The following NPRL3 variants were observed in gnomAD, a reference collection of about 807,000 sequenced individuals.
The protein encoded by NPRL3 is GATOR1 complex protein NPRL3.
A neutral mutation model predicts 57.2 loss-of-function variants in NPRL3; 23 were observed. The observed-to-expected ratio is 0.40, with a 90% CI of 0.29 to 0.57. NPRL3 has a LOEUF of 0.57. NPRL3 is among the 20% of genes least tolerant of loss of function. The pLI is 0.42. For missense variants in NPRL3, 691 were observed against 767.1 expected, an observed-to-expected ratio of 0.90 and a Z score of 1.17; for synonymous variants, 333 against 321.1, an observed-to-expected ratio of 1.04 and a Z score of -0.39.
intron 3 of NPRL3, among the ~76,000 whole-genome samples, chr16:120,875 T>C (rs1411332014): frequency 6.6e-6 from 1 of 152,170 alleles, no homozygotes; most frequent in African/African-American, 2.4e-5. Context: ...CATGGTAATG[T>C]TGAAGGAGGG....
intron 2 of NPRL3, among the ~76,000 whole-genome samples, chr16:135,638 A>C (rs1901040955): frequency 6.6e-6 from 1 of 151,474 alleles, no homozygotes; most frequent in Non-Finnish European, 1.5e-5. Context: ...AAAGACATAA[A>C]CAGTCTGGAG....
chr16:88,627 G>T, intron 13 of NPRL3, 71 bp downstream of exon 13: 5 of 1,356,574 alleles, frequency 3.7e-6, no homozygotes, highest in Non-Finnish European at 5.1e-6. Flanking sequence ...GTTCTGTTGC[G>T]TACGTCCCTA....
Position 86,630 on chromosome 16 carries a change from C to G in NPRL3, c.*75G>C, listed in dbSNP as rs114328109. 2.1e-6 allele frequency: 3 copies of G among 1,430,324 alleles called. No individual in the cohort carries two copies. The highest frequency in any genetic ancestry group is 2.8e-6 in the Non-Finnish European group (3 of 1,065,378). 88.6% of individuals were successfully genotyped at this position (1,430,324 alleles called of 1,614,324 possible). A position where few individuals can be genotyped will look rare whatever the true frequency, so the allele number is the denominator to read the frequency against. On this transcript the variant is annotated 3_prime_UTR_variant, in exon 14 of 14. Transcript: ENST00000611875. ...GGGCCAAGAGGGCTCAGCCTCAGCA[C>G]GGGGGGAGCCCTGGGGTGGGGAGAC...
At chr16:93,351 G>A in intron 9 of NPRL3, 26 bp from the exon 10 acceptor site, 1 of 1,466,604 alleles carries the variant, frequency 6.8e-7, no homozygotes. Flanking sequence ...AAGCTGCAAG[G>A]ACCATGCCTG....
In NPRL3 at chr16:85,482, G is replaced by A. The variant is rs779276542; in HGVS notation, c.*1223C>T. 4.5e-5 allele frequency: 72 copies of A among 1,613,046 alleles called. No homozygotes were observed. The highest frequency in any genetic ancestry group is 5.7e-5 in the Non-Finnish European group (67 of 1,180,034). On this transcript the variant is annotated 3_prime_UTR_variant, in exon 14 of 14. Coordinates refer to ENST00000611875, the MANE Select transcript of NPRL3 (RefSeq NM_001077350.3). ...ATGCGTCAGCTTCGCAGCACCCTCC[G>A]GAAAGGCACCGCCAGCCGTGTCCTC...
At chr16:103,752 G>T (rs1899413019) in intron 7 of NPRL3, among the ~76,000 whole-genome samples, 1 of 152,186 alleles carries the variant, frequency 6.6e-6, no homozygotes. Flanking sequence ...GCCGAGGCAG[G>T]CCGATCACTT....
rs533871530 is a variant in NPRL3, at chr16:103,296, A to ATTTTTTTTTTTTTTTTTTTTTTTTTT, written c.630-2813_630-2788dup. On this transcript the variant is annotated intron_variant, in intron 7 of 13. Transcript: ENST00000611875. Reference sequence around the variant, plus strand: ...GACGTGCAACATCACGCCTGGGGTGATTTTTTTTTTTTTTTTTTTTTTTTT... The same window carrying ATTTTTTTTTTTTTTTTTTTTTTTTTT: ...GACGTGCAACATCACGCCTGGGGTGATTTTTTTTTTTTTTTTTTTTTTTTTTTTTTTTTTTTTTTTTTTTTTTTTTT... Among the ~76,000 whole-genome samples, 19 of 42,126 alleles carry ATTTTTTTTTTTTTTTTTTTTTTTTTT rather than the reference A, an allele frequency of 4.5e-4. 5 individuals carry two copies. The highest frequency in any genetic ancestry group is 5.2e-4 in the African/African-American group (5 of 9,540). 27.6% of individuals were successfully genotyped at this position (42,126 alleles called of 152,430 possible).
Position 86,636 on chromosome 16 carries a change from G to T in NPRL3, c.*69C>A. The stretch of plus-strand genomic sequence containing the variant: ...AGAGGGCTCAGCCTCAGCACGGGGG[G>T]AGCCCTGGGGTGGGGAGACGCGAGC... On this transcript the variant is annotated 3_prime_UTR_variant, in exon 14 of 14. Transcript: ENST00000611875. 1.4e-6 allele frequency: 2 copies of T among 1,451,448 alleles called. No individual in the cohort carries two copies. Among genetic ancestry groups the T allele is most frequent in the Admixed American group, 2.1e-5 (1 of 47,608 alleles). 89.9% of individuals were successfully genotyped at this position (1,451,448 alleles called of 1,614,324 possible). A position where few individuals can be genotyped will look rare whatever the true frequency, so the allele number is the denominator to read the frequency against.
intron 6 of NPRL3, among the ~76,000 whole-genome samples, chr16:111,317 G>T (rs1195873331): frequency 6.6e-6 from 1 of 152,030 alleles, no homozygotes; most frequent in Admixed American, 6.5e-5. Context: ...GAAGAATGGC[G>T]TGAACCCAGG....
At chr16:106,315 CAAATAAAT>C (rs111453355) in intron 7 of NPRL3, among the ~76,000 whole-genome samples, 2 of 150,650 alleles carry the variant, frequency 1.3e-5, no homozygotes, top group Non-Finnish European at 3.0e-5. Context: ...CTCAAACAAA[CAAATAAAT>C]AAATAAATAA....
Position 85,641 on chromosome 16 carries a change from C to A in NPRL3, c.*1064G>T, listed in dbSNP as rs755957305. On this transcript the variant is annotated 3_prime_UTR_variant, in exon 14 of 14. Transcript: ENST00000611875. ...CGTGGTCCCCTGGAGCCCAGTGAGCCGGCTGTAGTGGCAGCAGCCCGGGTG... is the reference window on the plus strand; with the variant it reads ...CGTGGTCCCCTGGAGCCCAGTGAGCAGGCTGTAGTGGCAGCAGCCCGGGTG... The A allele has an allele frequency of 1.9e-6, 3 of 1,592,724 alleles. No individual in the cohort carries two copies. Among genetic ancestry groups the A allele is most frequent in the South Asian group, 2.2e-5 (2 of 90,110 alleles).
At position 103,296 on chromosome 16, in the gene NPRL3, ATTTTTT is replaced by A. The variant is rs533871530; in HGVS notation, c.630-2793_630-2788del. Among the ~76,000 whole-genome samples, 20 of 42,124 alleles carry A rather than the reference ATTTTTT, an allele frequency of 4.7e-4. 1 individual carries two copies. Among genetic ancestry groups the A allele is most frequent in the South Asian group, 3.6e-3 (3 of 832 alleles). The allele number at this position is 42,124 out of a possible 152,430, so 27.6% of individuals were successfully genotyped here. On this transcript the variant is annotated intron_variant, in intron 7 of 13. Coordinates refer to ENST00000611875, the MANE Select transcript of NPRL3 (RefSeq NM_001077350.3). The stretch of plus-strand genomic sequence containing the variant: ...GACGTGCAACATCACGCCTGGGGTG[ATTTTTT>A]TTTTTTTTTTTTTTTTTTTTTTTGT...
At chr16:113,570 A>G (rs1899908653) in intron 5 of NPRL3, among the ~76,000 whole-genome samples, 1 of 152,194 alleles carries the variant, frequency 6.6e-6, no homozygotes. Context: ...GGAGGCATGC[A>G]GCTGTGGGGG....
In NPRL3 at chr16:112,657, AG is replaced by A; in HGVS notation, c.511del (p.Leu171TrpfsTer46). The A allele has an allele frequency of 6.2e-7, 1 of 1,604,566 alleles. No homozygotes were observed. Among genetic ancestry groups the A allele is most frequent in the Non-Finnish European group, 8.5e-7 (1 of 1,175,252 alleles). On this transcript the variant is annotated frameshift_variant, in exon 6 of 14. Transcript: ENST00000611875. LOFTEE classifies it high-confidence loss of function. ...GGCGGACACCTCATCCTGGAGCGCC[AG>A]GATCAGCTTGGCCTCCCGGGTGAGG... The part of the protein sequence containing the change: ...QYLTREAKLI[L>X]ALQDEVSAMA...
chr16:110,162 G>A (rs989350515), intron 7 of NPRL3, among the ~76,000 whole-genome samples: 2 of 152,164 alleles, frequency 1.3e-5, no homozygotes, highest in Admixed American at 6.5e-5. Flanking sequence ...CCAGCTACTC[G>A]GGAGGCTGAG....
At chr16:107,163 A>G (rs1899567564) in intron 7 of NPRL3, among the ~76,000 whole-genome samples, 1 of 152,200 alleles carries the variant, frequency 6.6e-6, no homozygotes, top group African/African-American at 2.4e-5. Context: ...ACAGCTTAGG[A>G]GCCTTTTTCA....
In NPRL3 at chr16:85,465, G is replaced by C; in HGVS notation, c.*1240C>G. On this transcript the variant is annotated 3_prime_UTR_variant, in exon 14 of 14. Transcript: ENST00000611875. ...TGGAAGGTCTGGAGACCATGCGTCA[G>C]CTTCGCAGCACCCTCCGGAAAGGCA... The C allele has an allele frequency of 1.9e-6, 3 of 1,613,082 alleles. No individual in the cohort carries two copies. The highest frequency in any genetic ancestry group is 2.5e-6 in the Non-Finnish European group (3 of 1,180,016).
chr16:90,396 C>A (rs550515642), intron 11 of NPRL3: 1 of 156,162 alleles, frequency 6.4e-6, no homozygotes, highest in Non-Finnish European at 1.4e-5. Context: ...TTGGATCTAC[C>A]TGAAAGTCCA....
chr16:91,502 G>A (rs1481835716), intron 11 of NPRL3, among the ~76,000 whole-genome samples: 2 of 152,200 alleles, frequency 1.3e-5, no homozygotes, highest in South Asian at 2.1e-4. Context: ...AAGCCACTCC[G>A]TTATCTAGAC....
Sources: allele counts gnomAD v4.1 joint callset (sites outside exome capture counted in the v4.1 genomes callset), GRCh38; gene constraint gnomAD v4.1.1; transcripts MANE v1.5; gene names NCBI Gene and HGNC (gene_info 2026-07-23, HGNC 2026-07-21).